The following TMEM184B variants were observed in gnomAD, a reference collection of about 807,000 sequenced individuals.
TMEM184B encodes the protein putative MAPK-activating protein FM08.
Under a neutral mutation model 41.8 loss-of-function variants are expected in TMEM184B, and 17 were observed. The observed-to-expected ratio is 0.41, with a 90% CI of 0.28 to 0.61. The LOEUF is 0.61. TMEM184B is among the 20% of genes least tolerant of loss of function. TMEM184B has a pLI of 0.34. For synonymous variants in TMEM184B, 240 were observed against 229.5 expected, an observed-to-expected ratio of 1.05 and a Z score of -0.41; for missense variants, 393 against 557.8, an observed-to-expected ratio of 0.70 and a Z score of 2.98.
intron 1 of TMEM184B, among the ~76,000 whole-genome samples, chr22:38,253,700 G>A (rs564459567): frequency 3.0e-4 from 45 of 152,214 alleles, no homozygotes; most frequent in Admixed American, 4.6e-4. Context: ...GAAGACAGGA[G>A]AAAATATTTG....
At chr22:38,248,640 C>A (rs187678977) in intron 1 of TMEM184B, among the ~76,000 whole-genome samples, 30 of 152,332 alleles carry the variant, frequency 2.0e-4, no homozygotes, top group Admixed American at 2.0e-3. Flanking sequence ...CCGACTAACT[C>A]GATTCACTCA....
chr22:38,239,693 A>G lies in TMEM184B; in HGVS notation c.358+6242T>C, dbSNP rs1028797266. On this transcript the variant is annotated intron_variant, in intron 3 of 8. Coordinates refer to ENST00000361906, the MANE Select transcript of TMEM184B (RefSeq NM_012264.5). This position sits in a 1 kb window ranked among gnomAD's most constrained non-coding sequence, Gnocchi z 4.6. ...GAACACGGTCCAGCTGAGGGCAGTA[A>G]TGGGACAACTTGGAGAAAATCCAAA... is the stretch of plus-strand genomic sequence containing the variant. Among the ~76,000 whole-genome samples the G allele has an allele frequency of 6.6e-6, 1 of 152,222 alleles. No individual in the cohort carries two copies. Among genetic ancestry groups the G allele is most frequent in the Admixed American group, 6.5e-5 (1 of 15,286 alleles).
Position 38,220,794 on chromosome 22 carries a change from G to A in TMEM184B, c.*675C>T. On this transcript the variant is annotated 3_prime_UTR_variant, in exon 9 of 9. Coordinates refer to ENST00000361906, the MANE Select transcript of TMEM184B (RefSeq NM_012264.5). ...AGGCAGAGGTGTGGCCACGACAGGT[G>A]GGGATACCCAGGGGCCCAGAAGCCC... 1 of 986,100 alleles carries A rather than the reference G, an allele frequency of 1.0e-6. No individual in the cohort carries two copies. 61.1% of individuals were successfully genotyped at this position (986,100 alleles called of 1,614,324 possible).
Position 38,226,880 on chromosome 22 carries a change from G to T in TMEM184B, c.526-10C>A, listed in dbSNP as rs2080950312. On this transcript the variant is annotated splice_polypyrimidine_tract_variant and intron_variant, in intron 5 of 8. Coordinates refer to ENST00000361906, the MANE Select transcript of TMEM184B (RefSeq NM_012264.5). This position sits in a 1 kb window ranked among gnomAD's most constrained non-coding sequence, Gnocchi z 4.6. ...AGAACTGCAGGGTGGCCTGTTGGGGGGAAAAGGAGGTTGAGTGTGGAGGAG... is the reference window on the plus strand; with the variant it reads ...AGAACTGCAGGGTGGCCTGTTGGGGTGAAAAGGAGGTTGAGTGTGGAGGAG... 1 of 1,577,326 alleles carries T rather than the reference G, an allele frequency of 6.3e-7. No individual in the cohort carries two copies. Among genetic ancestry groups the T allele is most frequent in the Admixed American group, 1.9e-5 (1 of 53,988 alleles).
chr22:38,264,324 T>G (rs1229168713), intron 1 of TMEM184B, among the ~76,000 whole-genome samples: 1 of 151,676 alleles, frequency 6.6e-6, no homozygotes, highest in African/African-American at 2.4e-5. Context: ...CCAGGAAGTG[T>G]GAACGGTGAC....
chr22:38,234,800 C>T (rs1011582307), intron 3 of TMEM184B, among the ~76,000 whole-genome samples: 1 of 152,192 alleles, frequency 6.6e-6, no homozygotes, highest in African/African-American at 2.4e-5. Context: ...GAGCCATGGG[C>T]CCTGGAGACA....
At position 38,253,059 on chromosome 22, in the gene TMEM184B, G is replaced by A. The variant is rs1019303202; in HGVS notation, c.-58-5040C>T. Among the ~76,000 whole-genome samples, 175 of 151,916 alleles carry A rather than the reference G, an allele frequency of 1.2e-3. 1 individual carries two copies. The highest frequency in any genetic ancestry group is 4.1e-3 in the African/African-American group (168 of 41,360). ...GGGGAGGCTGAGGCAGGAGAATGGC[G>A]TGAACCCGGGAGGCAGAGCTTGCAG... On this transcript the variant is annotated intron_variant, in intron 1 of 8. Transcript: ENST00000361906.
chr22:38,223,320 T>TGGCCCCA (rs984441633), intron 8 of TMEM184B: 1 of 152,286 alleles, frequency 6.6e-6, no homozygotes, highest in African/African-American at 2.4e-5. Context: ...CTCCTTGGGG[T>TGGCCCCA]GGCCCCAGGC....
At chr22:38,222,491 G>A in intron 8 of TMEM184B, 1 of 585,036 alleles carries the variant, frequency 1.7e-6, no homozygotes. Context: ...ACAGAGGGTG[G>A]CCCTTGACAG....
At chr22:38,253,608 C>T (rs1275864120) in intron 1 of TMEM184B, among the ~76,000 whole-genome samples, 1 of 152,000 alleles carries the variant, frequency 6.6e-6, no homozygotes, top group Non-Finnish European at 1.5e-5. Flanking sequence ...AAAACCTTAA[C>T]ATAAACCCTT....
At position 38,220,594 on chromosome 22, in the gene TMEM184B, C is replaced by T. The variant is rs753944255; in HGVS notation, c.*875G>A. 24 of 986,074 alleles carry T rather than the reference C, an allele frequency of 2.4e-5. No individual in the cohort carries two copies. Among genetic ancestry groups the T allele is most frequent in the Non-Finnish European group, 2.9e-5 (24 of 830,092 alleles). 61.1% of individuals were successfully genotyped at this position (986,074 alleles called of 1,614,324 possible). ...TTTCCCCTGAAACGGGAGGGAGAAGCCCCAAAGAGAGAGAGGACCCAGCAT... is the reference window on the plus strand; with the variant it reads ...TTTCCCCTGAAACGGGAGGGAGAAGTCCCAAAGAGAGAGAGGACCCAGCAT... On this transcript the variant is annotated 3_prime_UTR_variant, in exon 9 of 9. Coordinates refer to ENST00000361906, the MANE Select transcript of TMEM184B (RefSeq NM_012264.5).
chr22:38,250,275 G>C (rs1049346957), intron 1 of TMEM184B, among the ~76,000 whole-genome samples: 14 of 152,260 alleles, frequency 9.2e-5, no homozygotes, highest in Non-Finnish European at 5.9e-5. Flanking sequence ...AACGGCCGCA[G>C]CATCTCCGCC....
At chr22:38,248,112 A>T in intron 1 of TMEM184B, 93 bp from the exon 2 acceptor site, 2 of 1,426,802 alleles carry the variant, frequency 1.4e-6, no homozygotes, top group Non-Finnish European at 1.8e-6. Flanking sequence ...CCTCCTGACC[A>T]TGTCTGTATT....
chr22:38,265,859 C>T (rs1187222094), intron 1 of TMEM184B, among the ~76,000 whole-genome samples: 2 of 152,160 alleles, frequency 1.3e-5, no homozygotes, highest in South Asian at 2.1e-4. Context: ...GCTACAGCGG[C>T]GCCATGGGGT....
Position 38,247,944 on chromosome 22 carries a change from A to C in TMEM184B, c.18T>G (p.Asp6Glu), listed in dbSNP as rs141239881. The C allele has an allele frequency of 1.4e-5, 22 of 1,584,864 alleles. No individual in the cohort carries two copies. The African/African-American group carries it at 2.8e-4, about 20-fold the overall frequency. Residue 6 changes from aspartate (D) to glutamate (E), a missense_variant, in exon 2 of 9, where the codon GAT (aspartate) becomes GAG (glutamate). By Grantham distance (45) the Asp-to-Glu change is conservative (BLOSUM62 2). This residue lies in a region of TMEM184B where 122 missense variants were observed against 123.7 expected (regional missense o/e 0.99). Coordinates refer to ENST00000361906, the MANE Select transcript of TMEM184B (RefSeq NM_012264.5). MTVRG[D>E]VLAPDPASPT... is the part of the protein sequence containing the mutation. ...GCGACGCTGGATCCGGGGCCAGCAC[A>C]TCCCCCCTCACTGTCATGGTGCCTG...
intron 1 of TMEM184B, among the ~76,000 whole-genome samples, chr22:38,271,360 G>C (rs1377090849): frequency 6.6e-6 from 1 of 152,202 alleles, no homozygotes; most frequent in East Asian, 1.9e-4. Context: ...TTCCATCCAG[G>C]CTTGCCACGT....
chr22:38,266,703 A>G (rs1022975282), intron 1 of TMEM184B, among the ~76,000 whole-genome samples: 1 of 152,230 alleles, frequency 6.6e-6, no homozygotes, highest in South Asian at 2.1e-4. Context: ...ACATCTGCCC[A>G]AACCTGAACC....
intron 3 of TMEM184B, among the ~76,000 whole-genome samples, chr22:38,245,469 G>A (rs955606452): frequency 6.7e-6 from 1 of 148,176 alleles, no homozygotes; most frequent in Non-Finnish European, 1.5e-5. Flanking sequence ...ACTAAGAAGC[G>A]AGACCCAGGG....
Position 38,219,312 on chromosome 22 carries a change from T to C in TMEM184B, c.*2157A>G. The C allele has an allele frequency of 2.0e-6, 2 of 985,768 alleles. No homozygotes were observed. Among genetic ancestry groups the C allele is most frequent in the Non-Finnish European group, 2.4e-6 (2 of 829,930 alleles). 61.1% of individuals were successfully genotyped at this position (985,768 alleles called of 1,614,324 possible). ...GGCAGAGATTTCAATACAATCTATA[T>C]TATCTCATATATAGATTTCTTCCTC... is the stretch of plus-strand genomic sequence containing the variant. On this transcript the variant is annotated 3_prime_UTR_variant, in exon 9 of 9. Transcript: ENST00000361906.
Sources: allele counts gnomAD v4.1 joint callset (sites outside exome capture counted in the v4.1 genomes callset), GRCh38; gene constraint gnomAD v4.1.1; regional missense constraint gnomAD v4.1.1; non-coding constraint Gnocchi (gnomAD v3.1); transcripts MANE v1.5; gene names NCBI Gene and HGNC (gene_info 2026-07-23, HGNC 2026-07-21).